Variants in QRSL1 observed in about 807,000 individuals in gnomAD.
QRSL1 encodes glutamyl-tRNA(Gln) amidotransferase subunit A, mitochondrial.
Under a neutral mutation model 61.6 loss-of-function variants are expected in QRSL1, and 54 were observed. That is an observed-to-expected ratio of 0.88 (90% confidence interval 0.70 to 1.10). QRSL1 has a LOEUF of 1.10. QRSL1 is among the 50% of genes least tolerant of loss of function. The pLI is 0.00. For missense variants in QRSL1, 505 were observed against 622.6 expected, an observed-to-expected ratio of 0.81 and a Z score of 2.01; for synonymous variants, 228 against 225.7, an observed-to-expected ratio of 1.01 and a Z score of -0.09.
intron 8 of QRSL1, 88 bp downstream of exon 8, chr6:106,655,010 G>A (rs1334842513): frequency 4.9e-6 from 6 of 1,235,982 alleles, no homozygotes; most frequent in Non-Finnish European, 6.8e-6. Context: ...GTTAATGCTT[G>A]AGATAATGTT....
chr6:106,648,546 C>T (rs9486433), intron 4 of QRSL1, among the ~76,000 whole-genome samples: 12,761 of 151,978 alleles, frequency 0.084, 597 homozygotes, highest in East Asian at 0.11. Context: ...AAATGTTGAC[C>T]GTAGGTATGT....
intron 1 of QRSL1, among the ~76,000 whole-genome samples, chr6:106,630,340 T>C (rs1776796100): frequency 1.3e-5 from 2 of 152,160 alleles, no homozygotes; most frequent in Admixed American, 1.3e-4. Flanking sequence ...TCAACCCCCG[T>C]CTTAAAAAAG....
chr6:106,643,299 C>T (rs567450065), intron 4 of QRSL1, among the ~76,000 whole-genome samples: 2 of 152,278 alleles, frequency 1.3e-5, no homozygotes, highest in East Asian at 3.9e-4. Context: ...AACATCTTTT[C>T]ATGTGTTTAT....
chr6:106,659,511 A>T (rs1283896462), intron 9 of QRSL1, among the ~76,000 whole-genome samples: 40 of 150,220 alleles, frequency 2.7e-4, no homozygotes, highest in Non-Finnish European at 3.3e-4. Context: ...TAATGTTCTT[A>T]TCTACTCAGT....
At chr6:106,635,165 G>T (rs1427596996) in intron 1 of QRSL1, among the ~76,000 whole-genome samples, 2 of 152,072 alleles carry the variant, frequency 1.3e-5, no homozygotes, top group East Asian at 3.8e-4. Context: ...AGGGCCAGAT[G>T]AGATTACCTG....
At chr6:106,653,000 T>C in intron 7 of QRSL1, 1 of 367,854 alleles carries the variant, frequency 2.7e-6, no homozygotes, top group East Asian at 5.1e-5. Flanking sequence ...GCTTGTCACA[T>C]CTGGCCTATG....
In QRSL1 at chr6:106,654,935, G is replaced by A. The variant is rs368171722; in HGVS notation, c.1042+13G>A. 1 of 1,538,346 alleles carries A rather than the reference G, an allele frequency of 6.5e-7. No homozygotes were observed. The highest frequency in any genetic ancestry group is 8.7e-7 in the Non-Finnish European group (1 of 1,143,518). On this transcript the variant is annotated intron_variant, in intron 8 of 10. Coordinates refer to ENST00000369046, the MANE Select transcript of QRSL1 (RefSeq NM_018292.5). ...GGGCTACAATATGGTAAGATGGCTG[G>A]GTTATTTTATTTTTAAGGTAGTTGT... is the stretch of plus-strand genomic sequence containing the variant.
intron 9 of QRSL1, among the ~76,000 whole-genome samples, chr6:106,662,109 C>G (rs1777366303): frequency 6.6e-6 from 1 of 152,088 alleles, no homozygotes; most frequent in Admixed American, 6.5e-5. Context: ...ACTCCTATGT[C>G]TGGCTTTTTC....
chr6:106,640,361 C>G lies in QRSL1; in HGVS notation c.37C>G (p.Leu13Val). The G allele has an allele frequency of 6.2e-7, 1 of 1,612,578 alleles. No individual in the cohort carries two copies. Among genetic ancestry groups the G allele is most frequent in the Non-Finnish European group, 8.5e-7 (1 of 1,179,220 alleles). Residue 13 changes from leucine (L) to valine (V), a missense_variant, in exon 2 of 11, where the codon CTG (leucine) becomes GTG (valine). Physicochemically the swap from Leu to Val is conservative, Grantham distance 32. Coordinates refer to ENST00000369046, the MANE Select transcript of QRSL1 (RefSeq NM_018292.5). ...GRSLREVSAA[L>V]KQGQITPTEL... Reference sequence around the variant, plus strand: ...GTATACACTATAGGTTTCTGCGGCACTGAAACAAGGCCAAATTACACCAAC... The same window carrying G: ...GTATACACTATAGGTTTCTGCGGCAGTGAAACAAGGCCAAATTACACCAAC...
intron 1 of QRSL1, among the ~76,000 whole-genome samples, chr6:106,639,455 A>G (rs1037081306): frequency 1.3e-5 from 2 of 152,132 alleles, no homozygotes; most frequent in Admixed American, 1.3e-4. Context: ...AAATGAAGTA[A>G]TAATGCATGT....
intron 1 of QRSL1, among the ~76,000 whole-genome samples, chr6:106,636,572 G>A (rs1294850726): frequency 6.6e-6 from 1 of 152,068 alleles, no homozygotes; most frequent in Admixed American, 6.5e-5. Context: ...GCCCGCCTTG[G>A]CCTCCCAAAG....
rs751341432 is a variant in QRSL1, at chr6:106,652,598, C to A, written c.849+16C>A. 6.2e-6 allele frequency: 10 copies of A among 1,614,016 alleles called. No homozygotes were observed. In the South Asian group the frequency reaches 1.1e-4, roughly 18 times the overall value. ...AATTCCAAAGGTAACTTTTTCCTTT[C>A]ATTACTTTACAGAAATACTGTCAAG... On this transcript the variant is annotated intron_variant, in intron 7 of 10. Transcript: ENST00000369046.
At chr6:106,643,670 A>G (rs1252372943) in intron 4 of QRSL1, among the ~76,000 whole-genome samples, 1 of 150,490 alleles carries the variant, frequency 6.6e-6, no homozygotes, top group African/African-American at 2.5e-5. Context: ...ACAAGAGTGC[A>G]ACTCTGTCTC....
intron 3 of QRSL1, among the ~76,000 whole-genome samples, chr6:106,641,531 G>T (rs1777020043): frequency 6.6e-6 from 1 of 152,210 alleles, no homozygotes; most frequent in African/African-American, 2.4e-5. Flanking sequence ...AAAGAAAGCA[G>T]GTTTATCAAG....
intron 5 of QRSL1, among the ~76,000 whole-genome samples, chr6:106,649,425 A>G (rs1186404052): frequency 2.0e-5 from 3 of 152,236 alleles, no homozygotes; most frequent in Non-Finnish European, 4.4e-5. Context: ...TCTCCATAGT[A>G]TCTGGTTCTC....
intron 9 of QRSL1, among the ~76,000 whole-genome samples, chr6:106,657,125 T>G (rs1777283377): frequency 6.6e-6 from 1 of 152,098 alleles, no homozygotes; most frequent in Non-Finnish European, 1.5e-5. Flanking sequence ...AAAAATTAGC[T>G]GGGCGTGGTG....
intron 4 of QRSL1, among the ~76,000 whole-genome samples, chr6:106,643,668 G>T (rs1048939068): frequency 1.3e-5 from 2 of 148,352 alleles, no homozygotes; most frequent in African/African-American, 5.0e-5. Context: ...CTACAAGAGT[G>T]CAACTCTGTC....
At chr6:106,635,389 G>T (rs1253508390) in intron 1 of QRSL1, among the ~76,000 whole-genome samples, 1 of 152,234 alleles carries the variant, frequency 6.6e-6, no homozygotes, top group East Asian at 1.9e-4. Flanking sequence ...ATAAAATGAG[G>T]GCTGGTGCTG....
In QRSL1 at chr6:106,667,354, A is replaced by C. The variant is rs1283250970; in HGVS notation, c.*1352A>C. On this transcript the variant is annotated 3_prime_UTR_variant, in exon 11 of 11. Coordinates refer to ENST00000369046, the MANE Select transcript of QRSL1 (RefSeq NM_018292.5). The stretch of plus-strand genomic sequence containing the variant: ...GAGATATTAATGGATATCTGTATTC[A>C]ATATTTGACAAAATCTAATGGAAAC... The C allele has an allele frequency of 3.9e-5, 6 of 152,146 alleles. No homozygotes were observed. The highest frequency in any genetic ancestry group is 7.3e-5 in the Non-Finnish European group (5 of 68,034). 9.4% of individuals were successfully genotyped at this position (152,146 alleles called of 1,614,324 possible).
Sources: allele counts gnomAD v4.1 joint callset (sites outside exome capture counted in the v4.1 genomes callset), GRCh38; gene constraint gnomAD v4.1.1; transcripts MANE v1.5; gene names NCBI Gene and HGNC (gene_info 2026-07-23, HGNC 2026-07-21).